XIAP: variants seen among roughly 807,000 people sequenced by gnomAD.
XIAP encodes the protein X-linked inhibitor of apoptosis.
In XIAP, 3 loss-of-function variants were observed where a neutral mutation model predicts 33.1. That is an observed-to-expected ratio of 0.09 (90% CI 0.04 to 0.23). XIAP has a LOEUF of 0.23. Among genes scored for constraint, XIAP ranks in the 10% least tolerant of loss-of-function variants. The pLI is 1.00. For missense variants in XIAP, 264 were observed against 363.0 expected (o/e 0.73, Z 2.22); for synonymous variants, 98 against 121.3 (o/e 0.81, Z 1.26).
Position 123,913,051 on chromosome X carries a change from G to T in XIAP, c.*5870G>T, listed in dbSNP as rs187282700. The T allele has an allele frequency of 9.1e-5, 29 of 318,336 alleles. No homozygotes were observed. In the East Asian group the frequency reaches 2.8e-3, roughly 31 times the overall value. The allele number at this position is 318,336 out of a possible 1,213,427, so 26.2% of individuals were successfully genotyped here. Reference sequence around the variant, plus strand: ...CTGCCTCGGCCTCACAAAGTGCTGGGATTACAGGTGTGAACCACTGCTCCC... The same window carrying T: ...CTGCCTCGGCCTCACAAAGTGCTGGTATTACAGGTGTGAACCACTGCTCCC... On this transcript the variant is annotated 3_prime_UTR_variant, in exon 7 of 7. Coordinates refer to ENST00000371199, the MANE Select transcript of XIAP (RefSeq NM_001167.4).
intron 6 of XIAP, among the ~76,000 whole-genome samples, chrX:123,903,619 G>GTTTTTTTTTTTTTTT (rs1163905528): frequency 1.8e-5 from 1 of 55,300 alleles, no homozygotes; most frequent in African/African-American, 7.7e-5. Context: ...GTTTGTTTCA[G>GTTTTTTTTTTTTTTT]TTTTTTTTTT....
chrX:123,900,256 C>T (rs2053503443), intron 5 of XIAP, among the ~76,000 whole-genome samples: 1 of 112,064 alleles, frequency 8.9e-6, no homozygotes, highest in Non-Finnish European at 1.9e-5. Flanking sequence ...TCGTTTCAAA[C>T]ACTACAAAAT....
In XIAP at chrX:123,885,938, T is replaced by C. The variant is rs45575532; in HGVS notation, c.276T>C (p.Phe92=). 1.2e-3 allele frequency: 1,465 copies of C among 1,210,110 alleles called. 1 individual carries two copies. The highest frequency in any genetic ancestry group is 1.5e-3 in the Non-Finnish European group (1,382 of 895,301). The stretch of plus-strand genomic sequence containing the variant: ...GGAAAGTATCCCCAAATTGCAGATT[T>C]ATCAACGGCTTTTATCTTGAAAATA... ...RHRKVSPNCR[F]INGFYLENSA... is the part of the protein sequence containing the mutation. The change falls in exon 2 of 7, where the codon TTT becomes TTC. Residue 92 remains phenylalanine (F), a synonymous_variant. Transcript: ENST00000371199.
At chrX:123,892,608 T>C in intron 4 of XIAP, 123 bp from the exon 5 acceptor site, 2 of 548,028 alleles carry the variant, frequency 3.6e-6, no homozygotes, top group Non-Finnish European at 6.2e-6. Context: ...CTTGTGAATA[T>C]TCATATATTG....
At chrX:123,881,714 C>T (rs1343805166) in intron 1 of XIAP, among the ~76,000 whole-genome samples, 2 of 109,962 alleles carry the variant, frequency 1.8e-5, no homozygotes, top group Non-Finnish European at 3.8e-5. Flanking sequence ...ACTTGAACTA[C>T]ACAAAATTGT....
intron 6 of XIAP, among the ~76,000 whole-genome samples, chrX:123,905,790 A>T (rs1212472148): frequency 8.9e-6 from 1 of 112,402 alleles, no homozygotes; most frequent in African/African-American, 3.2e-5. Flanking sequence ...TTAAATAGGG[A>T]AATGCCTTGT....
At chrX:123,881,135 G>A (rs1360396205) in intron 1 of XIAP, among the ~76,000 whole-genome samples, 1 of 109,774 alleles carries the variant, frequency 9.1e-6, no homozygotes, top group Non-Finnish European at 1.9e-5. Context: ...TTCTCTTTCC[G>A]TGCCTTCCTG....
rs993709407 is a variant in XIAP at position 123,911,710 on chromosome X, A to G, written c.*4529A>G. The G allele has an allele frequency of 4.0e-5, 13 of 326,764 alleles. No individual in the cohort carries two copies. Among genetic ancestry groups the G allele is most frequent in the Non-Finnish European group, 6.5e-5 (11 of 169,608 alleles). 26.9% of individuals were successfully genotyped at this position (326,764 alleles called of 1,213,427 possible). A position where few individuals can be genotyped will look rare whatever the true frequency, so the allele number is the denominator to read the frequency against. Reference sequence around the variant, plus strand: ...ATAGGTCAAACCCTTAAAAATATTTAAATTCTTAAAAAATTGAAAAGATTA... The same window carrying G: ...ATAGGTCAAACCCTTAAAAATATTTGAATTCTTAAAAAATTGAAAAGATTA... On this transcript the variant is annotated 3_prime_UTR_variant, in exon 7 of 7. Transcript: ENST00000371199.
intron 6 of XIAP, among the ~76,000 whole-genome samples, chrX:123,904,611 GTTTTA>G (rs2053544041): frequency 1.1e-5 from 1 of 95,162 alleles, no homozygotes; most frequent in African/African-American, 3.7e-5. Flanking sequence ...GTTTTGTTTT[GTTTTA>G]TTTTGTTTTG....
At chrX:123,861,479 A>G (rs924161390) in intron 1 of XIAP, among the ~76,000 whole-genome samples, 2 of 110,358 alleles carry the variant, frequency 1.8e-5, no homozygotes, top group Admixed American at 2.0e-4. Context: ...TTATACACAC[A>G]CCTTCACATG....
Position 123,885,988 on chromosome X carries a change from G to T in XIAP, c.326G>T (p.Gly109Val). 8.3e-7 allele frequency: 1 copy of T among 1,211,881 alleles called. No homozygotes were observed. Among genetic ancestry groups the T allele is most frequent in the Non-Finnish European group, 1.1e-6 (1 of 895,604 alleles). ...AGTGCCACGCAGTCTACAAATTCTG[G>T]TATCCAGAATGGTCAGTACAAAGTT... ...ENSATQSTNS[G>V]IQNGQYKVEN... Residue 109 changes from glycine (G) to valine (V), a missense_variant, in exon 2 of 7, where the codon GGT becomes GTT. Transcript: ENST00000371199.
chrX:123,885,652 T>G lies in XIAP; in HGVS notation c.-11T>G. On this transcript the variant is annotated 5_prime_UTR_variant, in exon 2 of 7. Coordinates refer to ENST00000371199, the MANE Select transcript of XIAP (RefSeq NM_001167.4). ...TTAGAAAAGGTGGACAAGTCCTATT[T>G]TCAAGAGAAGATGACTTTTAACAGT... 1 of 1,209,283 alleles carries G rather than the reference T, an allele frequency of 8.3e-7. No homozygotes were observed. Among genetic ancestry groups the G allele is most frequent in the Non-Finnish European group, 1.1e-6 (1 of 894,503 alleles).
At chrX:123,898,202 C>A (rs1444433983) in intron 5 of XIAP, among the ~76,000 whole-genome samples, 1 of 112,085 alleles carries the variant, frequency 8.9e-6, no homozygotes, top group African/African-American at 3.2e-5. Context: ...ATGGATTCCA[C>A]CTTTTTAATG....
intron 3 of XIAP, among the ~76,000 whole-genome samples, chrX:123,889,165 A>T (rs767548182): frequency 5.7e-5 from 6 of 105,698 alleles, no homozygotes; most frequent in East Asian, 5.9e-4. Flanking sequence ...ATCTTGGCTC[A>T]CTGCAACCTC....
At position 123,900,510 on chromosome X, in the gene XIAP, A is replaced by T; in HGVS notation, c.1117A>T (p.Asn373Tyr). ...TRRIDDTIFQ[N>Y]PMVQEAIRMG... Reference sequence around the variant, plus strand: ...TATTTCAGATGATACCATCTTCCAAAATCCTATGGTACAAGAAGCTATACG... The same window carrying T: ...TATTTCAGATGATACCATCTTCCAATATCCTATGGTACAAGAAGCTATACG... The change falls in exon 6 of 7, where the codon AAT becomes TAT. Residue 373 changes from asparagine (N) to tyrosine (Y), a missense_variant. By Grantham distance (143) the Asn-to-Tyr change is moderately radical. Coordinates refer to ENST00000371199, the MANE Select transcript of XIAP (RefSeq NM_001167.4). 1 of 1,209,855 alleles carries T rather than the reference A, an allele frequency of 8.3e-7. No individual in the cohort carries two copies. Among genetic ancestry groups the T allele is most frequent in the South Asian group, 1.8e-5 (1 of 56,746 alleles).
intron 5 of XIAP, among the ~76,000 whole-genome samples, chrX:123,893,409 C>T (rs1381971725): frequency 2.8e-5 from 3 of 108,854 alleles, no homozygotes; most frequent in East Asian, 5.9e-4. Context: ...TGTAGTCCCA[C>T]GTACTTGGGA....
At position 123,913,679 on chromosome X, in the gene XIAP, G is replaced by T; in HGVS notation, c.*6498G>T. On this transcript the variant is annotated 3_prime_UTR_variant, in exon 7 of 7. Coordinates refer to ENST00000371199, the MANE Select transcript of XIAP (RefSeq NM_001167.4). ...AAGAAATTTGCAGTTTTGGTTTGAT[G>T]TAACAAGGGTTTTAATGTAATTTAT... 3.1e-6 allele frequency: 1 copy of T among 323,958 alleles called. No individual in the cohort carries two copies. The highest frequency in any genetic ancestry group is 9.7e-5 in the East Asian group (1 of 10,279). 26.7% of individuals were successfully genotyped at this position (323,958 alleles called of 1,213,427 possible).
At chrX:123,874,250 C>A (rs1046882320) in intron 1 of XIAP, among the ~76,000 whole-genome samples, 1 of 111,733 alleles carries the variant, frequency 8.9e-6, no homozygotes, top group Non-Finnish European at 1.9e-5. Flanking sequence ...CTGCTTATTT[C>A]TTTTCATTAG....
chrX:123,862,623 C>T (rs1053283566), intron 1 of XIAP, among the ~76,000 whole-genome samples: 2 of 83,136 alleles, frequency 2.4e-5, no homozygotes, highest in Non-Finnish European at 4.8e-5. Context: ...CACTTTGGGA[C>T]GCCAAGGCGG....
Sources: allele counts gnomAD v4.1 joint callset (sites outside exome capture counted in the v4.1 genomes callset), GRCh38; gene constraint gnomAD v4.1.1; transcripts MANE v1.5; gene names NCBI Gene and HGNC (gene_info 2026-07-23, HGNC 2026-07-21).